The following MKLN1 variants were observed in gnomAD, a reference collection of about 807,000 sequenced individuals.
MKLN1 encodes muskelin.
A neutral mutation model predicts 99.0 loss-of-function variants in MKLN1; 18 were observed. The ratio of observed to expected loss-of-function variants is 0.18; its 90% CI spans 0.13 to 0.27. MKLN1 has a LOEUF of 0.27. MKLN1 is among the 10% of genes least tolerant of loss of function. The pLI, the probability that MKLN1 is intolerant of heterozygous loss-of-function variation, is 1.00. For missense variants in MKLN1, 621 were observed against 875.9 expected (o/e 0.71, Z 3.67); for synonymous variants, 288 against 293.2 (o/e 0.98, Z 0.18).
At chr7:131,161,059 G>T (rs1036705778) in intron 2 of MKLN1, among the ~76,000 whole-genome samples, 3 of 152,038 alleles carry the variant, frequency 2.0e-5, no homozygotes, top group Admixed American at 6.6e-5. Context: ...GGCCACTTTT[G>T]GTCGCCTTCT....
At chr7:131,451,444 A>G (rs1796174887) in intron 12 of MKLN1, among the ~76,000 whole-genome samples, 1 of 152,152 alleles carries the variant, frequency 6.6e-6, no homozygotes, top group African/African-American at 2.4e-5. Flanking sequence ...CCGAGATGGT[A>G]TAGCTAATAG....
intron 2 of MKLN1, among the ~76,000 whole-genome samples, chr7:131,201,529 A>C (rs1796727872): frequency 6.6e-6 from 1 of 152,226 alleles, no homozygotes; most frequent in African/African-American, 2.4e-5. Context: ...GCACCTTGGT[A>C]AACTCATAAA....
At chr7:131,478,354 G>A in intron 16 of MKLN1, 1 of 348,046 alleles carries the variant, frequency 2.9e-6, no homozygotes, top group Middle Eastern at 7.4e-4. Flanking sequence ...TCCTTAATAA[G>A]TACATACTTT....
At chr7:131,425,236 C>T (rs538629662) in intron 8 of MKLN1, among the ~76,000 whole-genome samples, 3 of 152,098 alleles carry the variant, frequency 2.0e-5, no homozygotes, top group South Asian at 2.1e-4. Flanking sequence ...ACACTTTTGA[C>T]GTGTTTTTCT....
chr7:131,334,207 T>G (rs1470883031), intron 1 of MKLN1, among the ~76,000 whole-genome samples: 1 of 152,202 alleles, frequency 6.6e-6, no homozygotes, highest in African/African-American at 2.4e-5. Flanking sequence ...TTACAATAAT[T>G]CTGTAGGCTC....
At chr7:131,171,252 G>A (rs1032457880) in intron 2 of MKLN1, among the ~76,000 whole-genome samples, 3 of 152,092 alleles carry the variant, frequency 2.0e-5, no homozygotes, top group Admixed American at 2.0e-4. Flanking sequence ...AGGACAGAGT[G>A]TATACTGTAA....
chr7:131,403,637 G>T (rs1056741424), intron 6 of MKLN1, among the ~76,000 whole-genome samples: 2 of 152,088 alleles, frequency 1.3e-5, no homozygotes, highest in East Asian at 3.8e-4. Flanking sequence ...CTTAAAGGCC[G>T]TGGTAAAGAT....
chr7:131,144,646 C>T (rs1795791296), intron 2 of MKLN1, among the ~76,000 whole-genome samples: 1 of 151,954 alleles, frequency 6.6e-6, no homozygotes, highest in South Asian at 2.1e-4. Flanking sequence ...AGCCACCACA[C>T]CTGGCCCTTG....
chr7:131,275,557 ATATATATATATTTTTT>A (rs1268922364), intron 3 of MKLN1, among the ~76,000 whole-genome samples: 33 of 15,656 alleles, frequency 2.1e-3, no homozygotes, highest in African/African-American at 9.8e-3. Flanking sequence ...ATATATATAT[ATATATATATATTTTTT>A]TTTTTTTTTT....
At position 131,488,294 on chromosome 7, in the gene MKLN1, A is replaced by G. The variant is rs1021825168; in HGVS notation, c.*566A>G. On this transcript the variant is annotated 3_prime_UTR_variant, in exon 18 of 18. Coordinates refer to ENST00000352689, the MANE Select transcript of MKLN1 (RefSeq NM_013255.5). The stretch of plus-strand genomic sequence containing the variant: ...ATGTTAAGGTGATATCTGTGTCTGT[A>G]TTGACTTGTCTTGTGTTACATTAAA... 3.9e-5 allele frequency: 6 copies of G among 152,058 alleles called. No individual in the cohort carries two copies. The highest frequency in any genetic ancestry group is 9.7e-5 in the African/African-American group (4 of 41,412). 9.4% of individuals were successfully genotyped at this position (152,058 alleles called of 1,614,324 possible). A position where few individuals can be genotyped will look rare whatever the true frequency, so the allele number is the denominator to read the frequency against.
intron 12 of MKLN1, among the ~76,000 whole-genome samples, chr7:131,460,134 A>G (rs1311844715): frequency 2.0e-5 from 3 of 152,070 alleles, no homozygotes; most frequent in Admixed American, 6.6e-5. Context: ...TGCACATGAA[A>G]TATTCTCTTT....
At chr7:131,158,137 G>A (rs1368457844) in intron 2 of MKLN1, among the ~76,000 whole-genome samples, 4 of 152,250 alleles carry the variant, frequency 2.6e-5, no homozygotes, top group Middle Eastern at 3.4e-3. Flanking sequence ...TGCACAATAC[G>A]AAAGATCTTA....
At chr7:131,349,013 A>AT (rs1014673652) in intron 1 of MKLN1, among the ~76,000 whole-genome samples, 4 of 152,080 alleles carry the variant, frequency 2.6e-5, no homozygotes, top group Admixed American at 6.6e-5. Flanking sequence ...TTACAGAGTA[A>AT]TTTTTTAAAG....
intron 3 of MKLN1, among the ~76,000 whole-genome samples, chr7:131,291,527 AT>A (rs1196377220): frequency 6.6e-6 from 1 of 150,946 alleles, no homozygotes; most frequent in Non-Finnish European, 1.5e-5. Context: ...TAATATATAT[AT>A]AATGCAGAAT....
intron 1 of MKLN1, among the ~76,000 whole-genome samples, chr7:131,117,751 A>G (rs1263542071): frequency 1.3e-5 from 2 of 152,238 alleles, no homozygotes; most frequent in Non-Finnish European, 2.9e-5. Context: ...GTGAGAGATC[A>G]TGGTTGCCCA....
intron 12 of MKLN1, among the ~76,000 whole-genome samples, chr7:131,460,079 C>G (rs1796470769): frequency 6.6e-6 from 1 of 152,080 alleles, no homozygotes; most frequent in Non-Finnish European, 1.5e-5. Context: ...TTTTTAGTAT[C>G]TTTTCATAGT....
intron 2 of MKLN1, among the ~76,000 whole-genome samples, chr7:131,148,813 T>C (rs1262515140): frequency 3.9e-5 from 6 of 152,144 alleles, no homozygotes; most frequent in Non-Finnish European, 8.8e-5. Context: ...TTCAATCTAA[T>C]ATTATTGTGC....
intron 1 of MKLN1, among the ~76,000 whole-genome samples, chr7:131,122,385 T>C (rs1363687108): frequency 6.6e-6 from 1 of 152,248 alleles, no homozygotes; most frequent in Non-Finnish European, 1.5e-5. Context: ...CACAGAACCA[T>C]ATTGTTGCCA....
chr7:131,437,699 T>C, intron 9 of MKLN1, 86 bp from the exon 10 acceptor site: 1 of 1,035,364 alleles, frequency 9.7e-7, no homozygotes, highest in Non-Finnish European at 1.4e-6. Context: ...TAATAAAAAA[T>C]GACGTTTAAT....
Sources: gnomAD v4.1 joint callset for allele counts (sites outside exome capture counted in the v4.1 genomes callset) on GRCh38, gnomAD v4.1.1 for gene constraint, MANE v1.5 for transcripts, NCBI Gene and HGNC (gene_info 2026-07-23, HGNC 2026-07-21) for gene names.